AMD1: variants seen among roughly 807,000 people sequenced by gnomAD.
AMD1 encodes the protein S-adenosylmethionine decarboxylase proenzyme.
A neutral mutation model predicts 40.2 loss-of-function variants in AMD1; 11 were observed. That is an observed-to-expected ratio of 0.27 (90% confidence interval 0.17 to 0.45). The LOEUF (loss-of-function observed/expected upper bound fraction) is 0.45. Among genes scored for constraint, AMD1 ranks in the 20% least tolerant of loss-of-function variants. AMD1 has a pLI of 1.00. For missense variants in AMD1, 257 were observed against 410.2 expected, an observed-to-expected ratio of 0.63 and a Z score of 3.23; for synonymous variants, 121 against 130.8, an observed-to-expected ratio of 0.93 and a Z score of 0.51.
chr6:110,863,106 G>A, the AMD1 span, among the ~76,000 whole-genome samples: 372 of 151,852 alleles, frequency 2.4e-3, 7 homozygotes, highest in South Asian at 8.4e-4. Flanking sequence ...CACCACGCCC[G>A]GCTAATTTTT....
the AMD1 span, among the ~76,000 whole-genome samples, chr6:110,829,397 C>T: frequency 1.3e-5 from 2 of 150,556 alleles, no homozygotes; most frequent in Non-Finnish European, 3.0e-5. Context: ...AACCGGACAT[C>T]GGCCGGGCAT....
rs115615189 is a variant in AMD1, at chr6:110,890,047, T to A, written c.325-207T>A. The A allele has an allele frequency of 1.7e-3, 806 of 471,570 alleles. 5 individuals are homozygous for A. The highest frequency in any genetic ancestry group is 0.015 in the African/African-American group (730 of 49,014). The allele number at this position is 471,570 out of a possible 1,614,324, so 29.2% of individuals were successfully genotyped here. A position where few individuals can be genotyped will look rare whatever the true frequency, so the allele number is the denominator to read the frequency against. ...AGAGAGAGATGGGGCCTCAGTATGT[T>A]GCCCAGGCTGGACTCCTGGGCCAAG... On this transcript the variant is annotated intron_variant, in intron 3 of 8. Coordinates refer to ENST00000368885, the MANE Select transcript of AMD1 (RefSeq NM_001634.6).
the AMD1 span, among the ~76,000 whole-genome samples, chr6:110,835,880 C>CA: frequency 6.6e-5 from 10 of 150,502 alleles, no homozygotes; most frequent in African/African-American, 2.0e-4. Context: ...CCCCACCCCC[C>CA]AAAAAAAATC....
chr6:110,815,030 T>C, the AMD1 span: 1 of 1,604,130 alleles, frequency 6.2e-7, no homozygotes, highest in Non-Finnish European at 8.5e-7. Flanking sequence ...CCTCGCCTTG[T>C]AGACGTGACC....
chr6:110,886,126 G>T (rs137937435), intron 1 of AMD1, among the ~76,000 whole-genome samples: 1 of 151,300 alleles, frequency 6.6e-6, no homozygotes, highest in East Asian at 2.0e-4. Flanking sequence ...GTGGTGGCAC[G>T]TGCCTGTAAT....
At chr6:110,827,773 A>C in the AMD1 span, among the ~76,000 whole-genome samples, 1 of 152,008 alleles carries the variant, frequency 6.6e-6, no homozygotes, top group African/African-American at 2.4e-5. Context: ...CTCAAAAAAA[A>C]AAAAAAAAAC....
chr6:110,859,796 C>T, the AMD1 span, among the ~76,000 whole-genome samples: 1 of 152,154 alleles, frequency 6.6e-6, no homozygotes, highest in African/African-American at 2.4e-5. Flanking sequence ...AGCCTGACTC[C>T]TTCTCCATGC....
chr6:110,817,757 A>G, the AMD1 span, among the ~76,000 whole-genome samples: 2 of 152,248 alleles, frequency 1.3e-5, no homozygotes, highest in South Asian at 4.1e-4. Context: ...CAAATTAAAA[A>G]TAAACTGTGG....
At position 110,892,345 on chromosome 6, in the gene AMD1, C is replaced by G; in HGVS notation, c.517C>G (p.Pro173Ala). 1 of 1,613,360 alleles carries G rather than the reference C, an allele frequency of 6.2e-7. No individual in the cohort carries two copies. The highest frequency in any genetic ancestry group is 1.3e-5 in the African/African-American group (1 of 75,004). The change falls in exon 6 of 9, where the codon CCA becomes GCA. Residue 173 changes from proline to alanine, a missense_variant. Physicochemically the swap from Pro to Ala is conservative, Grantham distance 27. Around this residue, in one of 3 missense-constraint regions of AMD1, gnomAD observed 192 missense variants for 296.5 expected, o/e 0.65. Coordinates refer to ENST00000368885, the MANE Select transcript of AMD1 (RefSeq NM_001634.6). ...DFPESRVISQ[P>A]DQTLEILMSE... ...CCCAGAGAGTCGGGTAATCAGTCAG[C>G]CAGATCAAACCTTGGAAATTCTGAT...
chr6:110,893,743 T>A lies in AMD1; in HGVS notation c.*127T>A, dbSNP rs1320590216. ...CTGTGTAGTTGCAGAAAGCCCTAGATGTAATGATAGTGTAATCATTTTGAA... is the reference window on the plus strand; with the variant it reads ...CTGTGTAGTTGCAGAAAGCCCTAGAAGTAATGATAGTGTAATCATTTTGAA... On this transcript the variant is annotated 3_prime_UTR_variant, in exon 9 of 9. Transcript: ENST00000368885. 3.9e-6 allele frequency: 4 copies of A among 1,035,870 alleles called. No individual in the cohort carries two copies. The highest frequency in any genetic ancestry group is 5.5e-6 in the Non-Finnish European group (4 of 725,316). 64.2% of individuals were successfully genotyped at this position (1,035,870 alleles called of 1,614,324 possible).
the AMD1 span, chr6:110,814,773 C>T: frequency 1.5e-5 from 10 of 662,620 alleles, no homozygotes; most frequent in Admixed American, 6.3e-5. Context: ...CCCTCTGGGA[C>T]GGGACCGACG....
chr6:110,815,002 C>T, the AMD1 span: 1 of 1,603,954 alleles, frequency 6.2e-7, no homozygotes, highest in Non-Finnish European at 8.5e-7. Flanking sequence ...CCCGCCCCTG[C>T]TCTTACCCAT....
the AMD1 span, chr6:110,815,373 C>G: frequency 5.3e-6 from 2 of 379,078 alleles, no homozygotes; most frequent in Non-Finnish European, 4.6e-6. Context: ...CGGCGGCTCC[C>G]GCAGGCACCC....
At chr6:110,863,324 A>G in the AMD1 span, among the ~76,000 whole-genome samples, 1 of 150,304 alleles carries the variant, frequency 6.7e-6, no homozygotes, top group African/African-American at 2.5e-5. Flanking sequence ...CACTTCTACA[A>G]AGTAGAAGCT....
intron 3 of AMD1, 62 bp downstream of exon 3, chr6:110,889,045 A>G: frequency 1.3e-6 from 2 of 1,574,134 alleles, no homozygotes; most frequent in Admixed American, 1.8e-5. Context: ...ATCCTGTAAT[A>G]TGCGAAGTAA....
chr6:110,863,652 G>A, the AMD1 span, among the ~76,000 whole-genome samples: 3 of 152,042 alleles, frequency 2.0e-5, no homozygotes, highest in African/African-American at 7.2e-5. Context: ...TTACAGGCAT[G>A]AGCCACCGCG....
chr6:110,860,870 C>CACACAG, the AMD1 span, among the ~76,000 whole-genome samples: 6 of 142,682 alleles, frequency 4.2e-5, no homozygotes, highest in Middle Eastern at 6.9e-3. Flanking sequence ...CACACACACA[C>CACACAG]AGAGAGAGAG....
the AMD1 span, among the ~76,000 whole-genome samples, chr6:110,866,433 T>C: frequency 1.3e-5 from 2 of 152,134 alleles, no homozygotes; most frequent in African/African-American, 4.8e-5. Context: ...ATTTAACAAG[T>C]ACACAACGAG....
At chr6:110,850,443 C>A in the AMD1 span, among the ~76,000 whole-genome samples, 1 of 152,108 alleles carries the variant, frequency 6.6e-6, no homozygotes, top group Non-Finnish European at 1.5e-5. Flanking sequence ...CTGTTTAAAC[C>A]TTTCCAAAGG....
Sources: gnomAD v4.1 joint callset for allele counts (sites outside exome capture counted in the v4.1 genomes callset) on GRCh38, gnomAD v4.1.1 for gene constraint, gnomAD v4.1.1 regional missense constraint, MANE v1.5 for transcripts, NCBI Gene and HGNC (gene_info 2026-07-23, HGNC 2026-07-21) for gene names.